Variants in CDH4 observed in about 807,000 individuals in gnomAD.
The protein encoded by CDH4 is cadherin 4.
Under a neutral mutation model 86.0 loss-of-function variants are expected in CDH4, and 33 were observed. The observed-to-expected ratio is 0.38, with a 90% CI of 0.29 to 0.51. CDH4 has a LOEUF of 0.51. CDH4 is among the 20% of genes least tolerant of loss of function. The pLI, the probability that CDH4 is intolerant of heterozygous loss-of-function variation, is 0.86. For missense variants in CDH4, 1,114 were observed against 1,307.4 expected (o/e 0.85, Z 2.28); for synonymous variants, 555 against 549.4 (o/e 1.01, Z -0.14).
At chr20:61,689,716 G>T (rs922190150) in intron 2 of CDH4, among the ~76,000 whole-genome samples, 3 of 151,584 alleles carry the variant, frequency 2.0e-5, no homozygotes, top group Non-Finnish European at 4.4e-5. Context: ...TTGGTGAGGT[G>T]ATGTGGAATA....
At chr20:61,853,527 C>T (rs1189556026) in intron 6 of CDH4, among the ~76,000 whole-genome samples, 1 of 152,136 alleles carries the variant, frequency 6.6e-6, no homozygotes, top group Non-Finnish European at 1.5e-5. Flanking sequence ...GTGGCGCCTG[C>T]TTTTTCATGT....
At chr20:61,420,695 G>A (rs1159444181) in intron 2 of CDH4, among the ~76,000 whole-genome samples, 1 of 152,276 alleles carries the variant, frequency 6.6e-6, no homozygotes, top group African/African-American at 2.4e-5. Flanking sequence ...CCAAAGTTGG[G>A]AGTGAGCCAG....
At chr20:61,710,449 G>A (rs531197642) in intron 2 of CDH4, among the ~76,000 whole-genome samples, 55 of 152,342 alleles carry the variant, frequency 3.6e-4, no homozygotes, top group African/African-American at 7.7e-4. Context: ...CTGAGTCCTC[G>A]CTCCTGCGGC....
intron 13 of CDH4, 80 bp from the exon 14 acceptor site, chr20:61,932,905 A>G: frequency 1.3e-6 from 2 of 1,548,988 alleles, no homozygotes; most frequent in Non-Finnish European, 1.8e-6. Context: ...GTACATGCCC[A>G]CATAGACACA....
chr20:61,549,674 C>G (rs372540529), intron 2 of CDH4, among the ~76,000 whole-genome samples: 2 of 152,186 alleles, frequency 1.3e-5, no homozygotes, highest in Admixed American at 6.5e-5. Context: ...AACAGCGAAG[C>G]CTCCGGGATG....
intron 2 of CDH4, among the ~76,000 whole-genome samples, chr20:61,264,153 C>T (rs1032016777): frequency 3.9e-5 from 6 of 152,190 alleles, no homozygotes; most frequent in Admixed American, 6.5e-5. Context: ...GCGTGTCTGA[C>T]GACAGAGCAA....
chr20:61,723,333 C>T (rs990856974), intron 2 of CDH4, among the ~76,000 whole-genome samples: 22 of 152,318 alleles, frequency 1.4e-4, no homozygotes, highest in South Asian at 8.3e-4. Flanking sequence ...TCCTCAGCAC[C>T]GGGCAGGCCC....
rs569243551 is a variant in CDH4 at position 61,878,269 on chromosome 20, G to A, written c.1050+4369G>A. Among the ~76,000 whole-genome samples the A allele has an allele frequency of 1.2e-4, 19 of 152,274 alleles. No homozygotes were observed. The Middle Eastern group carries it at 0.01, about 82-fold the overall frequency. The stretch of plus-strand genomic sequence containing the variant: ...CGAGCCCAAGCCTAGGAACATCCAG[G>A]TCCCTGAGCTGCTCCCTCCCCAGGT... On this transcript the variant is annotated intron_variant, in intron 7 of 15. Transcript: ENST00000614565.
At chr20:61,573,057 G>GATGT (rs1181049542) in intron 2 of CDH4, among the ~76,000 whole-genome samples, 2 of 151,846 alleles carry the variant, frequency 1.3e-5, no homozygotes, top group East Asian at 1.9e-4. Context: ...TGGATGGATG[G>GATGT]ATGGATGGAT....
At chr20:61,816,304 C>T (rs1980711136) in intron 4 of CDH4, among the ~76,000 whole-genome samples, 1 of 152,216 alleles carries the variant, frequency 6.6e-6, no homozygotes, top group Non-Finnish European at 1.5e-5. Context: ...AGAGTTTTCT[C>T]AAATCGCTCC....
chr20:61,932,401 C>T (rs2055121264), intron 13 of CDH4, among the ~76,000 whole-genome samples: 1 of 152,238 alleles, frequency 6.6e-6, no homozygotes, highest in Non-Finnish European at 1.5e-5. Context: ...GAAACTCATG[C>T]ACACGCACAC....
At chr20:61,751,092 G>A (rs910107638) in intron 3 of CDH4, among the ~76,000 whole-genome samples, 9 of 152,148 alleles carry the variant, frequency 5.9e-5, no homozygotes, top group Non-Finnish European at 1.3e-4. Context: ...TTGTTTGCTC[G>A]TTTCGGGAAG....
At chr20:61,604,260 T>C in intron 2 of CDH4, among the ~76,000 whole-genome samples, 1 of 152,202 alleles carries the variant, frequency 6.6e-6, no homozygotes, top group Non-Finnish European at 1.5e-5. Context: ...AAAGCTTCAG[T>C]CGAGGCCGAG....
chr20:61,512,571 G>A (rs1012911259), intron 2 of CDH4, among the ~76,000 whole-genome samples: 1 of 152,176 alleles, frequency 6.6e-6, no homozygotes, highest in Non-Finnish European at 1.5e-5. Flanking sequence ...TAGGTCATGG[G>A]AGGGAGATGA....
intron 2 of CDH4, among the ~76,000 whole-genome samples, chr20:61,348,442 A>G (rs1005519480): frequency 1.3e-5 from 2 of 152,118 alleles, no homozygotes; most frequent in African/African-American, 4.8e-5. Context: ...TTGGCTGGGG[A>G]CATAGCCAGA....
chr20:61,849,131 G>A (rs1462094455), intron 5 of CDH4, among the ~76,000 whole-genome samples: 1 of 152,038 alleles, frequency 6.6e-6, no homozygotes, highest in Non-Finnish European at 1.5e-5. Flanking sequence ...GCCAAATTCT[G>A]GAATGAAGCC....
chr20:61,808,207 C>T (rs2146042120), intron 4 of CDH4, among the ~76,000 whole-genome samples: 1 of 152,068 alleles, frequency 6.6e-6, no homozygotes, highest in Non-Finnish European at 1.5e-5. Flanking sequence ...CCCACCCCAG[C>T]CCTGGGTTCA....
At chr20:61,576,204 G>T (rs1253632323) in intron 2 of CDH4, among the ~76,000 whole-genome samples, 1 of 152,104 alleles carries the variant, frequency 6.6e-6, no homozygotes, top group African/African-American at 2.4e-5. Context: ...TTTATTTTTT[G>T]TGTGTGAACA....
chr20:61,805,702 G>A (rs1310966893), intron 4 of CDH4, among the ~76,000 whole-genome samples: 1 of 152,218 alleles, frequency 6.6e-6, no homozygotes, highest in Non-Finnish European at 1.5e-5. Context: ...CCAGGGCAGT[G>A]TATTGGGAGA....
Sources: allele counts gnomAD v4.1 joint callset (sites outside exome capture counted in the v4.1 genomes callset), GRCh38; gene constraint gnomAD v4.1.1; transcripts MANE v1.5; gene names NCBI Gene and HGNC (gene_info 2026-07-23, HGNC 2026-07-21).